XIRP2: variants seen among roughly 807,000 people sequenced by gnomAD.
XIRP2 encodes the protein xin actin binding repeat containing 2, also known as xin actin-binding repeat-containing protein 2.
XIRP2 carries 236 observed loss-of-function variants against 277.0 expected under a neutral mutation model. The observed-to-expected ratio is 0.85, with a 90% CI of 0.77 to 0.95. The LOEUF (loss-of-function observed/expected upper bound fraction) is 0.95. Among genes scored for constraint, XIRP2 ranks in the 40% least tolerant of loss-of-function variants. XIRP2 has a pLI of 0.00. For synonymous variants in XIRP2, 1,490 were observed against 1,416.5 expected (o/e 1.05, Z -1.17); for missense variants, 4,640 against 4,157.5 (o/e 1.12, Z -3.19).
At chr2:167,228,492 C>T (rs961909771) in intron 5 of XIRP2, among the ~76,000 whole-genome samples, 2 of 152,132 alleles carry the variant, frequency 1.3e-5, no homozygotes, top group Non-Finnish European at 2.9e-5. Context: ...TTTTGCAGAA[C>T]ACCTTCTTGG....
At chr2:166,927,915 C>T (rs762923308) in intron 2 of XIRP2, among the ~76,000 whole-genome samples, 1 of 152,008 alleles carries the variant, frequency 6.6e-6, no homozygotes, top group African/African-American at 2.4e-5. Flanking sequence ...TGGCCCATAG[C>T]GTTCATCTAG....
chr2:166,896,538 A>T (rs1327346927), intron 1 of XIRP2, among the ~76,000 whole-genome samples: 1 of 151,880 alleles, frequency 6.6e-6, no homozygotes. Flanking sequence ...TAAAGAAAAA[A>T]TTTTCTACAG....
intron 3 of XIRP2, chr2:167,140,747 T>A (rs1453797980): frequency 6.6e-6 from 1 of 152,228 alleles, no homozygotes; most frequent in African/African-American, 2.4e-5. Flanking sequence ...ATGGCCTTTG[T>A]AAAATAAAGA....
At chr2:166,921,952 A>G (rs573603383) in intron 2 of XIRP2, among the ~76,000 whole-genome samples, 1 of 152,256 alleles carries the variant, frequency 6.6e-6, no homozygotes, top group South Asian at 2.1e-4. Context: ...TTACCACTCT[A>G]TATGCCTTAC....
chr2:167,139,907 G>A (rs759645062), intron 3 of XIRP2, among the ~76,000 whole-genome samples: 1 of 152,108 alleles, frequency 6.6e-6, no homozygotes, highest in Admixed American at 6.5e-5. Flanking sequence ...CATGTAAATC[G>A]TCATGATATT....
intron 3 of XIRP2, among the ~76,000 whole-genome samples, chr2:167,199,249 CA>C (rs1167874347): frequency 2.6e-5 from 4 of 152,130 alleles, no homozygotes; most frequent in Non-Finnish European, 4.4e-5. Flanking sequence ...GCTTTTAGCA[CA>C]AAAATGATTT....
chr2:167,044,544 G>A lies in XIRP2; in HGVS notation c.409-91365G>A, dbSNP rs545271636. ...AAAATCCAATAGTCTCAGCCCAAAGGCTCTTAGAACTGATAAACTTCAGTA... is the reference window on the plus strand; with the variant it reads ...AAAATCCAATAGTCTCAGCCCAAAGACTCTTAGAACTGATAAACTTCAGTA... On this transcript the variant is annotated intron_variant, in intron 2 of 10. Coordinates refer to ENST00000409195, the MANE Select transcript of XIRP2 (RefSeq NM_152381.6). 1.2e-4 allele frequency among the ~76,000 whole-genome samples: 19 copies of A among 152,092 alleles called. No individual in the cohort carries two copies. The East Asian group carries it at 3.3e-3, about 26-fold the overall frequency.
chr2:167,210,933 C>T, intron 4 of XIRP2, 38 bp downstream of exon 4: 2 of 1,608,790 alleles, frequency 1.2e-6, no homozygotes, highest in South Asian at 1.1e-5. Flanking sequence ...AGGCAATGTG[C>T]TTACTGTCTG....
intron 2 of XIRP2, among the ~76,000 whole-genome samples, chr2:167,083,034 A>T (rs1363638978): frequency 2.0e-5 from 3 of 152,204 alleles, no homozygotes; most frequent in Non-Finnish European, 2.9e-5. Context: ...TATGTCCTGA[A>T]TGGTAATGCC....
At chr2:166,936,545 G>T (rs1337416783) in intron 2 of XIRP2, among the ~76,000 whole-genome samples, 4 of 152,154 alleles carry the variant, frequency 2.6e-5, no homozygotes. Context: ...CATAGCTTTA[G>T]GTCTAACATT....
At chr2:167,233,997 G>A (rs2105421221) in intron 5 of XIRP2, among the ~76,000 whole-genome samples, 1 of 151,686 alleles carries the variant, frequency 6.6e-6, no homozygotes, top group East Asian at 1.9e-4. Context: ...TGACGACTCA[G>A]TTGAGAGTGC....
intron 2 of XIRP2, among the ~76,000 whole-genome samples, chr2:167,009,302 G>C (rs1014309372): frequency 2.1e-5 from 3 of 146,302 alleles, no homozygotes; most frequent in African/African-American, 5.1e-5. Context: ...CTATGAGTGA[G>C]AATATGTGGT....
Position 167,250,207 on chromosome 2 carries a change from A to C in XIRP2, c.8815A>C (p.Lys2939Gln). The C allele has an allele frequency of 6.2e-7, 1 of 1,613,576 alleles. No individual in the cohort carries two copies. Among genetic ancestry groups the C allele is most frequent in the South Asian group, 1.1e-5 (1 of 91,056 alleles). ...SVKESQRDDG[K>Q]GALNIVEFLR... ...GAAAGAATCCCAGCGGGATGATGGAAAAGGTGCCTTAAATATAGTGGAATT... is the reference window on the plus strand; with the variant it reads ...GAAAGAATCCCAGCGGGATGATGGACAAGGTGCCTTAAATATAGTGGAATT... Residue 2939 changes from lysine to glutamine, a missense_variant, in exon 9 of 11, where the codon AAA (lysine) becomes CAA (glutamine). By Grantham distance (53) the Lys-to-Gln change is moderately conservative. Coordinates refer to ENST00000409195, the MANE Select transcript of XIRP2 (RefSeq NM_152381.6).
chr2:167,124,194 AG>A (rs1453160627), intron 2 of XIRP2: 1 of 152,164 alleles, frequency 6.6e-6, no homozygotes, highest in African/African-American at 2.4e-5. Context: ...CTAGAAAAAA[AG>A]TCTCCTTGCT....
chr2:167,080,552 C>A (rs944171929), intron 2 of XIRP2, among the ~76,000 whole-genome samples: 1 of 152,108 alleles, frequency 6.6e-6, no homozygotes, highest in African/African-American at 2.4e-5. Flanking sequence ...ATATTCAATT[C>A]CTCTCATCCC....
chr2:166,932,535 T>A (rs1022789286), intron 2 of XIRP2, among the ~76,000 whole-genome samples: 1 of 152,114 alleles, frequency 6.6e-6, no homozygotes, highest in African/African-American at 2.4e-5. Context: ...CTTAATATAT[T>A]TTTTGCTCAT....
intron 2 of XIRP2, among the ~76,000 whole-genome samples, chr2:167,128,942 G>A (rs11900038): frequency 0.25 from 37,592 of 152,104 alleles, 6,476 homozygotes; most frequent in African/African-American, 0.48. Flanking sequence ...TTTTGAATGA[G>A]TGAAAGATGA....
chr2:167,213,683 G>A (rs1388636910), intron 4 of XIRP2, among the ~76,000 whole-genome samples: 1 of 152,114 alleles, frequency 6.6e-6, no homozygotes, highest in Non-Finnish European at 1.5e-5. Context: ...CACTAAATAA[G>A]GTAAAGTCAC....
rs1273709787 is a variant in XIRP2, at chr2:167,248,504, C to T, written c.7112C>T (p.Thr2371Ile). ...TTTCTGCCGCCTCCTCCTCCTCCAACTCCATCTCAAAAGCCAGCACATCTC... is the reference window on the plus strand; with the variant it reads ...TTTCTGCCGCCTCCTCCTCCTCCAATTCCATCTCAAAAGCCAGCACATCTC... ...SMFLPPPPPP[T>I]PSQKPAHLLS... The change falls in exon 9 of 11, where the codon ACT becomes ATT. Residue 2371 changes from threonine to isoleucine, a missense_variant. Transcript: ENST00000409195. 6.2e-7 allele frequency: 1 copy of T among 1,613,772 alleles called. No individual in the cohort carries two copies. The highest frequency in any genetic ancestry group is 2.2e-5 in the East Asian group (1 of 44,852).
Sources: gnomAD v4.1 joint callset for allele counts (sites outside exome capture counted in the v4.1 genomes callset) on GRCh38, gnomAD v4.1.1 for gene constraint, MANE v1.5 for transcripts, NCBI Gene and HGNC (gene_info 2026-07-23, HGNC 2026-07-21) for gene names.